PHF19: variants seen among roughly 807,000 people sequenced by gnomAD.
PHF19 encodes polycomb like 3.
In PHF19, 21 loss-of-function variants were observed where a neutral mutation model predicts 79.8. That is an observed-to-expected ratio of 0.26 (90% CI 0.19 to 0.38). The LOEUF (loss-of-function observed/expected upper bound fraction) is 0.38, where lower values mean the gene tolerates loss of function less well. Ranked by LOEUF, PHF19 falls within the 10% of genes least tolerant of loss-of-function variation. The pLI is 1.00. For missense variants in PHF19, 445 were observed against 744.2 expected (o/e 0.60, Z 4.68); for synonymous variants, 273 against 296.3 (o/e 0.92, Z 0.81).
At chr9:120,902,016 A>T in the PHF19 span, among the ~76,000 whole-genome samples, 1 of 152,178 alleles carries the variant, frequency 6.6e-6, no homozygotes, top group Non-Finnish European at 1.5e-5. Context: ...GTCCTGAGAC[A>T]TTTGTGGAGC....
Position 120,869,089 on chromosome 9 carries a change from T to TCAAGG in PHF19, c.614+92_614+93insCCTTG. ...CCGCCCTCAAGGTCCCCGCCTTGGC[T>TCAAGG]GACACGCCAGGCTCGCTCCCTATGG... On this transcript the variant is annotated intron_variant, in intron 6 of 14. Transcript: ENST00000373896. This position sits in a 1 kb window ranked among gnomAD's most constrained non-coding sequence, Gnocchi z 5.8. The TCAAGG allele has an allele frequency of 7.5e-7, 1 of 1,327,578 alleles. No homozygotes were observed. The highest frequency in any genetic ancestry group is 1.0e-6 in the Non-Finnish European group (1 of 1,002,336). 82.2% of individuals were successfully genotyped at this position (1,327,578 alleles called of 1,614,324 possible). A position where few individuals can be genotyped will look rare whatever the true frequency, so the allele number is the denominator to read the frequency against.
At chr9:120,892,540 A>G (rs543465141) in intron 1 of PHF19, among the ~76,000 whole-genome samples, 2 of 152,180 alleles carry the variant, frequency 1.3e-5, no homozygotes, top group Non-Finnish European at 2.9e-5. Flanking sequence ...CCAGTGTCTT[A>G]TGGACACTGA....
At position 120,874,869 on chromosome 9, in the gene PHF19, TATTATC is replaced by T; in HGVS notation, c.-15-119_-15-114del. On this transcript the variant is annotated intron_variant, in intron 1 of 14. Coordinates refer to ENST00000373896, the MANE Select transcript of PHF19 (RefSeq NM_015651.3). The surrounding 1 kb of genome is among the most constrained non-coding windows in gnomAD (Gnocchi z 4.5). ...CCCTGTGCTATAAGCCAGACTTGGTTATTATCTCACTGATTCCTCGTGACCATCCTA... is the reference window on the plus strand; with the variant it reads ...CCCTGTGCTATAAGCCAGACTTGGTTTCACTGATTCCTCGTGACCATCCTA... The T allele has an allele frequency of 1.5e-6, 1 of 645,428 alleles. No individual in the cohort carries two copies. Among genetic ancestry groups the T allele is most frequent in the Non-Finnish European group, 2.7e-6 (1 of 368,324 alleles). The allele number at this position is 645,428 out of a possible 1,614,324, so 40.0% of individuals were successfully genotyped here. A position where few individuals can be genotyped will look rare whatever the true frequency, so the allele number is the denominator to read the frequency against.
upstream of PHF19, among the ~76,000 whole-genome samples, chr9:120,880,778 G>T (rs1460164197): frequency 6.6e-6 from 1 of 151,908 alleles, no homozygotes; most frequent in Non-Finnish European, 1.5e-5. Context: ...TGGGCAACAT[G>T]GCGAAACCCT....
Position 120,857,805 on chromosome 9 carries a change from G to GCAGA in PHF19, c.*138_*139insTCTG, listed in dbSNP as rs2045393759. 1.7e-6 allele frequency: 1 copy of GCAGA among 595,406 alleles called. No homozygotes were observed. The highest frequency in any genetic ancestry group is 1.9e-5 in the African/African-American group (1 of 53,482). 36.9% of individuals were successfully genotyped at this position (595,406 alleles called of 1,614,324 possible). On this transcript the variant is annotated 3_prime_UTR_variant, in exon 15 of 15. Coordinates refer to ENST00000373896, the MANE Select transcript of PHF19 (RefSeq NM_015651.3). ...ACGCAGGCCTTGGCCTGGCAGGCAG[G>GCAGA]CAGGCAGGGCATTCTGCCAGGCACT...
intron 9 of PHF19, among the ~76,000 whole-genome samples, chr9:120,865,134 C>G (rs989748706): frequency 1.3e-5 from 2 of 152,074 alleles, no homozygotes; most frequent in African/African-American, 4.8e-5. Context: ...AGATTTGGGG[C>G]AGTCCATAGA....
chr9:120,862,399 G>A lies in PHF19; in HGVS notation c.1130+189C>T, dbSNP rs1372946720. On this transcript the variant is annotated intron_variant, in intron 11 of 14. Coordinates refer to ENST00000373896, the MANE Select transcript of PHF19 (RefSeq NM_015651.3). The surrounding 1 kb of genome is among the most constrained non-coding windows in gnomAD (Gnocchi z 4.6). ...CTCAGATCTGGCTTTTCCTCCTTGC[G>A]AGGTAATAAGGGGGCTGTGGTGGTG... Among the ~76,000 whole-genome samples, 1 of 152,194 alleles carries A rather than the reference G, an allele frequency of 6.6e-6. No individual in the cohort carries two copies. Among genetic ancestry groups the A allele is most frequent in the Non-Finnish European group, 1.5e-5 (1 of 68,032 alleles).
Position 120,891,281 on chromosome 9 carries a change from TCTC to T in PHF19, c.42+3504_42+3506del, listed in dbSNP as rs1174610045. On this transcript the variant is annotated intron_variant, in intron 1 of 14. Coordinates refer to the PHF19 transcript ENST00000616568. This position sits in a 1 kb window ranked among gnomAD's most constrained non-coding sequence, Gnocchi z 4.3. ...CTCCTCTCCCCTCCTTTCCCCTTCT[TCTC>T]CTCTCCTTCCCTCCCCTCCCCTCTC... Among the ~76,000 whole-genome samples the T allele has an allele frequency of 1.3e-5, 2 of 151,180 alleles. No individual in the cohort carries two copies. The highest frequency in any genetic ancestry group is 1.5e-5 in the Non-Finnish European group (1 of 67,770).
Position 120,858,277 on chromosome 9 carries a change from C to G in PHF19, c.1410G>C (p.Val470=), listed in dbSNP as rs1167825155. The change falls in exon 15 of 15, where the codon GTG becomes GTC. Residue 470 remains valine (V), a synonymous_variant. Coordinates refer to ENST00000373896, the MANE Select transcript of PHF19 (RefSeq NM_015651.3). The part of the protein sequence containing the change: ...TSLSYDSRWT[V]GSRKRKLAAK... ...CTGCCAGCTTCCTCTTTCGGCTGCC[C>G]ACTGTCCATCTGTATCAGAAGTGGG... 6.5e-7 allele frequency: 1 copy of G among 1,535,078 alleles called. No homozygotes were observed. Among genetic ancestry groups the G allele is most frequent in the Non-Finnish European group, 8.8e-7 (1 of 1,137,214 alleles).
chr9:120,898,840 G>A (rs939429455), upstream of PHF19, among the ~76,000 whole-genome samples: 7 of 152,134 alleles, frequency 4.6e-5, no homozygotes, highest in African/African-American at 9.7e-5. Context: ...GTTTCATGGA[G>A]CGATGTAGGT....
rs1463169647 is a variant in PHF19, at chr9:120,869,494, A to G, written c.466-164T>C. The G allele has an allele frequency of 3.7e-6, 5 of 1,335,334 alleles. No individual in the cohort carries two copies. In the East Asian group the frequency reaches 1.3e-4, roughly 34 times the overall value. 82.7% of individuals were successfully genotyped at this position (1,335,334 alleles called of 1,614,324 possible). A position where few individuals can be genotyped will look rare whatever the true frequency, so the allele number is the denominator to read the frequency against. On this transcript the variant is annotated intron_variant, in intron 5 of 14. Coordinates refer to ENST00000373896, the MANE Select transcript of PHF19 (RefSeq NM_015651.3). The surrounding 1 kb of genome is among the most constrained non-coding windows in gnomAD (Gnocchi z 5.8). ...GCTTTTTCTCATTAATTCCAAACCC[A>G]TCCCCTCTATCCCAGAAGGAACTCC...
chr9:120,889,330 GCAGAAGAATC>G (rs2046308968), intron 1 of PHF19, among the ~76,000 whole-genome samples: 1 of 150,204 alleles, frequency 6.7e-6, no homozygotes, highest in Non-Finnish European at 1.5e-5. Context: ...GGAAGCTGAG[GCAGAAGAATC>G]ACTTGAACCT....
intron 1 of PHF19, among the ~76,000 whole-genome samples, chr9:120,893,570 C>T (rs192181576): frequency 3.5e-4 from 54 of 152,366 alleles, no homozygotes; most frequent in Admixed American, 5.2e-4. Flanking sequence ...ACTGATCCCT[C>T]TCCTGGTCAT....
intron 3 of PHF19, among the ~76,000 whole-genome samples, chr9:120,872,541 G>C (rs1214568133): frequency 6.6e-6 from 1 of 152,212 alleles, no homozygotes. Context: ...AGGGGTTGGA[G>C]AGGAATCGGT....
At chr9:120,890,443 G>T (rs1199880407) in intron 1 of PHF19, among the ~76,000 whole-genome samples, 3 of 152,098 alleles carry the variant, frequency 2.0e-5, no homozygotes, top group African/African-American at 7.2e-5. Flanking sequence ...TTAGAAATTA[G>T]GAGCTGTTGG....
chr9:120,881,149 GT>G (rs1182115413), upstream of PHF19, among the ~76,000 whole-genome samples: 85,561 of 133,430 alleles, frequency 0.64, 26,590 homozygotes, highest in South Asian at 0.75. Flanking sequence ...TCGGGGGTTT[GT>G]TTTTTTTTTT....
At chr9:120,867,956 C>T (rs369707695) in intron 6 of PHF19, among the ~76,000 whole-genome samples, 1 of 152,240 alleles carries the variant, frequency 6.6e-6, no homozygotes, top group East Asian at 1.9e-4. Flanking sequence ...AAGGAAGAAT[C>T]AAAGACTCTT....
At chr9:120,882,853 A>G (rs2046206959) in intron 1 of PHF19, among the ~76,000 whole-genome samples, 1 of 151,452 alleles carries the variant, frequency 6.6e-6, no homozygotes, top group Non-Finnish European at 1.5e-5. Context: ...AAAAAAAAAA[A>G]AAAAAAGAAA....
rs2045984747 is a variant in PHF19 at position 120,874,311 on chromosome 9, C to T, written c.186+245G>A. Among the ~76,000 whole-genome samples the T allele has an allele frequency of 6.6e-6, 1 of 152,162 alleles. No homozygotes were observed. Among genetic ancestry groups the T allele is most frequent in the Non-Finnish European group, 1.5e-5 (1 of 68,026 alleles). The stretch of plus-strand genomic sequence containing the variant: ...GTCAGATGCTCCTCTGTGATCCTCT[C>T]AAACCTGACTTTTTTGTTTTGTAGG... On this transcript the variant is annotated intron_variant, in intron 2 of 14. Coordinates refer to ENST00000373896, the MANE Select transcript of PHF19 (RefSeq NM_015651.3). This position sits in a 1 kb window ranked among gnomAD's most constrained non-coding sequence, Gnocchi z 4.5.
Sources: gnomAD v4.1 joint callset for allele counts (sites outside exome capture counted in the v4.1 genomes callset) on GRCh38, gnomAD v4.1.1 for gene constraint, Gnocchi (gnomAD v3.1) non-coding constraint, MANE v1.5 for transcripts, NCBI Gene and HGNC (gene_info 2026-07-23, HGNC 2026-07-21) for gene names.